The following BRD1 variants were observed in gnomAD, a reference collection of about 807,000 sequenced individuals.
The protein encoded by BRD1 is bromodomain containing 1.
Under a neutral mutation model 107.7 loss-of-function variants are expected in BRD1, and 24 were observed. The ratio of observed to expected loss-of-function variants is 0.22; its 90% CI spans 0.16 to 0.31. The LOEUF (loss-of-function observed/expected upper bound fraction) is 0.31, where lower values mean the gene tolerates loss of function less well. Among genes scored for constraint, BRD1 ranks in the 10% least tolerant of loss-of-function variants. BRD1 has a pLI of 1.00. For synonymous variants in BRD1, 744 were observed against 686.1 expected, an observed-to-expected ratio of 1.08 and a Z score of -1.32; for missense variants, 1,279 against 1,638.6, an observed-to-expected ratio of 0.78 and a Z score of 3.79.
Position 49,777,692 on chromosome 22 carries a change from C to T in BRD1, c.2979G>A (p.Pro993=), listed in dbSNP as rs373689993. ...SESSISSSNS[P]LCDSSFNAPK... is the part of the protein sequence containing the mutation. Reference sequence around the variant, plus strand: ...GCGGTGCCCACCTCGAGTCGCAGAGCGGGCTGTTGCTGGAGGAGATGCTGG... The same window carrying T: ...GCGGTGCCCACCTCGAGTCGCAGAGTGGGCTGTTGCTGGAGGAGATGCTGG... Residue 993 remains proline (P), a synonymous_variant, in exon 9 of 13, where the codon CCG becomes CCA. Transcript: ENST00000404760. 1.2e-5 allele frequency: 19 copies of T among 1,607,404 alleles called. No individual in the cohort carries two copies. Among genetic ancestry groups the T allele is most frequent in the African/African-American group, 4.0e-5 (3 of 74,872 alleles).
At chr22:49,819,135 C>T (rs1229465102) in intron 2 of BRD1, among the ~76,000 whole-genome samples, 2 of 152,014 alleles carry the variant, frequency 1.3e-5, no homozygotes, top group Non-Finnish European at 2.9e-5. Flanking sequence ...TGGCACACAC[C>T]TGTAGTCCCA....
At chr22:49,817,892 C>T (rs2147348246) in intron 2 of BRD1, among the ~76,000 whole-genome samples, 1 of 152,274 alleles carries the variant, frequency 6.6e-6, no homozygotes, top group East Asian at 1.9e-4. Flanking sequence ...CTCACTGCAG[C>T]CTCGACCTCC....
At chr22:49,788,356 C>CAAA (rs375783062) in intron 7 of BRD1, among the ~76,000 whole-genome samples, 1 of 151,758 alleles carries the variant, frequency 6.6e-6, no homozygotes, top group South Asian at 2.1e-4. Flanking sequence ...GTCAAAAATG[C>CAAA]AAAAACAAAC....
intron 7 of BRD1, among the ~76,000 whole-genome samples, chr22:49,790,122 TCG>T (rs1229591669): frequency 6.6e-6 from 1 of 151,360 alleles, no homozygotes; most frequent in Non-Finnish European, 1.5e-5. Context: ...GGAACAGAGG[TCG>T]CTGTCGTCTG....
chr22:49,812,639 T>C (rs758720846), intron 2 of BRD1, among the ~76,000 whole-genome samples: 10 of 152,174 alleles, frequency 6.6e-5, no homozygotes, highest in African/African-American at 2.4e-4. Flanking sequence ...AAATTAACAG[T>C]GTAATTAACG....
chr22:49,777,086 C>T lies in BRD1; in HGVS notation c.3069G>A (p.Leu1023=). The T allele has an allele frequency of 6.2e-7, 1 of 1,613,378 alleles. No homozygotes were observed. The highest frequency in any genetic ancestry group is 8.5e-7 in the Non-Finnish European group (1 of 1,180,008). The change falls in exon 10 of 13, where the codon CTG becomes CTA. Residue 1023 remains leucine (L), a synonymous_variant. Transcript: ENST00000404760. ...RRHTLEDRSE[L]ISCIENGNYA... is the part of the protein sequence containing the mutation. ...AGTTCCCATTCTCGATGCAGGAGAT[C>T]AGCTCACTGCGGTCCTCCAGCGTGT... is the stretch of plus-strand genomic sequence containing the variant.
chr22:49,815,081 C>T (rs1426730481), intron 2 of BRD1, among the ~76,000 whole-genome samples: 2 of 152,214 alleles, frequency 1.3e-5, no homozygotes, highest in African/African-American at 4.8e-5. Context: ...TGGCCCACGG[C>T]CCTGCTCTGC....
intron 2 of BRD1, among the ~76,000 whole-genome samples, chr22:49,822,105 A>C (rs2060078791): frequency 6.6e-6 from 1 of 152,196 alleles, no homozygotes; most frequent in Non-Finnish European, 1.5e-5. Context: ...ATTCCTTCTT[A>C]AAGTTTAGTC....
intron 3 of BRD1, among the ~76,000 whole-genome samples, chr22:49,802,851 A>G (rs375274612): frequency 8.9e-4 from 135 of 152,382 alleles, no homozygotes; most frequent in Middle Eastern, 3.4e-3. Context: ...GCCAAGTCAC[A>G]TCATGGAACG....
chr22:49,819,238 C>G (rs1173966473), intron 2 of BRD1, among the ~76,000 whole-genome samples: 1 of 151,588 alleles, frequency 6.6e-6, no homozygotes, highest in Non-Finnish European at 1.5e-5. Context: ...CCAGCCTGGG[C>G]AACAGAGCGA....
At chr22:49,788,054 C>G (rs1053097527) in intron 7 of BRD1, among the ~76,000 whole-genome samples, 167 bp from the exon 8 acceptor site, 2 of 152,242 alleles carry the variant, frequency 1.3e-5, no homozygotes, top group Admixed American at 6.5e-5. Flanking sequence ...TCGGGCCACA[C>G]TGTGTGTGCT....
In BRD1 at chr22:49,775,503, C is replaced by G. The variant is rs930622265; in HGVS notation, c.3386+88G>C. On this transcript the variant is annotated intron_variant, in intron 12 of 12. Transcript: ENST00000404760. ...TGCCAGGGCCCAGCAGACAAAGACG[C>G]TGCTCACCACAGGGACACTCAGGTC... is the stretch of plus-strand genomic sequence containing the variant. 5 of 1,226,470 alleles carry G rather than the reference C, an allele frequency of 4.1e-6. No homozygotes were observed. In the African/African-American group the frequency reaches 7.8e-5, roughly 19 times the overall value. The allele number at this position is 1,226,470 out of a possible 1,614,324, so 76.0% of individuals were successfully genotyped here.
At chr22:49,788,068 C>CT (rs1365370577) in intron 7 of BRD1, among the ~76,000 whole-genome samples, 181 bp from the exon 8 acceptor site, 1 of 152,224 alleles carries the variant, frequency 6.6e-6, no homozygotes, top group East Asian at 1.9e-4. Flanking sequence ...GTGTGCTTCC[C>CT]TAACGCCAAA....
chr22:49,820,729 G>A (rs989206450), intron 2 of BRD1: 5 of 152,564 alleles, frequency 3.3e-5, no homozygotes, highest in Non-Finnish European at 5.9e-5. Flanking sequence ...TGCCAGATCA[G>A]CTGCCTCTCA....
intron 2 of BRD1, chr22:49,818,386 AG>A (rs1469073871): frequency 8.4e-7 from 1 of 1,192,070 alleles, no homozygotes; most frequent in African/African-American, 1.6e-5. Context: ...TGATGAACCT[AG>A]GAGTTTTGTT....
rs199930732 is a variant in BRD1, at chr22:49,775,665, C to T, written c.3312G>A (p.Lys1104=). The change falls in exon 12 of 13, where the codon AAG becomes AAA. Residue 1104 remains lysine (K), a synonymous_variant. Coordinates refer to ENST00000404760, the MANE Select transcript of BRD1 (RefSeq NM_001304808.3). Reference sequence around the variant, plus strand: ...ACTTGGTCTGCATGTGCTCCCCAATCTTCAGCACGTCCAGGGGTGGGGCCG... The same window carrying T: ...ACTTGGTCTGCATGTGCTCCCCAATTTTCAGCACGTCCAGGGGTGGGGCCG... The part of the protein sequence containing the change: ...TIPAPPLDVL[K]IGEHMQTKSD... The T allele has an allele frequency of 6.2e-7, 1 of 1,613,876 alleles. No individual in the cohort carries two copies. The highest frequency in any genetic ancestry group is 8.5e-7 in the Non-Finnish European group (1 of 1,179,882).
chr22:49,778,200 G>A (rs559702152), intron 8 of BRD1, among the ~76,000 whole-genome samples: 5 of 152,274 alleles, frequency 3.3e-5, no homozygotes, highest in East Asian at 1.9e-4. Flanking sequence ...CGTGGGCACC[G>A]GCCGCGTTTG....
chr22:49,776,889 G>C, intron 10 of BRD1, 145 bp downstream of exon 10: 2 of 1,211,362 alleles, frequency 1.7e-6, no homozygotes, highest in Non-Finnish European at 2.3e-6. Flanking sequence ...GGTGTGTGAT[G>C]AACCCTTCCC....
At chr22:49,804,147 C>CA (rs2059696496) in intron 3 of BRD1, 57 bp downstream of exon 3, 1 of 1,479,088 alleles carries the variant, frequency 6.8e-7, no homozygotes, top group African/African-American at 1.4e-5. Context: ...GGTGCCCTCT[C>CA]CCTGGAGGGT....
Sources: gnomAD v4.1 joint callset for allele counts (sites outside exome capture counted in the v4.1 genomes callset) on GRCh38, gnomAD v4.1.1 for gene constraint, MANE v1.5 for transcripts, NCBI Gene and HGNC (gene_info 2026-07-23, HGNC 2026-07-21) for gene names.